FHDC1: variants seen among roughly 807,000 people sequenced by gnomAD.
The protein encoded by FHDC1 is FH2 domain-containing protein 1.
A neutral mutation model predicts 52.6 loss-of-function variants in FHDC1; 25 were observed. The observed-to-expected ratio is 0.48, with a 90% CI of 0.35 to 0.66. FHDC1 has a LOEUF of 0.66. Ranked by LOEUF, FHDC1 falls within the 30% of genes least tolerant of loss-of-function variation. The pLI is 0.01. For missense variants in FHDC1, 1,459 were observed against 1,452.8 expected, an observed-to-expected ratio of 1.00 and a Z score of -0.07; for synonymous variants, 616 against 581.5, an observed-to-expected ratio of 1.06 and a Z score of -0.85.
At chr4:152,954,904 C>T (rs1223141629) in intron 4 of FHDC1, among the ~76,000 whole-genome samples, 1 of 152,026 alleles carries the variant, frequency 6.6e-6, no homozygotes, top group Non-Finnish European at 1.5e-5. Context: ...GTTTCCTCAC[C>T]TGTAAAGGGA....
At chr4:152,955,009 C>A (rs1270813927) in intron 4 of FHDC1, among the ~76,000 whole-genome samples, 2 of 152,008 alleles carry the variant, frequency 1.3e-5, no homozygotes, top group South Asian at 2.1e-4. Context: ...TCAATAAATT[C>A]TCATCATCCA....
the FHDC1 span, among the ~76,000 whole-genome samples, chr4:152,912,772 T>C: frequency 3.9e-5 from 6 of 152,290 alleles, no homozygotes; most frequent in East Asian, 7.7e-4. Flanking sequence ...GAAGTTGTTA[T>C]TCTAGAAAAA....
At chr4:152,958,999 G>C (rs73863327) in intron 4 of FHDC1, among the ~76,000 whole-genome samples, 6,158 of 152,232 alleles carry the variant, frequency 0.04, 424 homozygotes, top group African/African-American at 0.14. Context: ...TGAGGTAGAT[G>C]TTTCACTTTG....
At chr4:152,935,388 G>A (rs941926032), upstream of FHDC1, among the ~76,000 whole-genome samples, 2 of 152,024 alleles carry the variant, frequency 1.3e-5, no homozygotes, top group African/African-American at 4.8e-5. Context: ...GTGGATTTTC[G>A]GTCAGCCGGT....
At chr4:152,965,855 A>G (rs939309777) in intron 9 of FHDC1, among the ~76,000 whole-genome samples, 3 of 152,220 alleles carry the variant, frequency 2.0e-5, no homozygotes, top group Non-Finnish European at 2.9e-5. Context: ...CAACTATGAC[A>G]TCTGTGAACC....
upstream of FHDC1, among the ~76,000 whole-genome samples, chr4:152,934,331 G>A (rs759938927): frequency 2.4e-4 from 36 of 152,154 alleles, no homozygotes; most frequent in African/African-American, 8.4e-4. Flanking sequence ...GGTGTGGGAA[G>A]AGTACTAGTT....
intron 1 of FHDC1, among the ~76,000 whole-genome samples, chr4:152,938,385 A>G (rs1579078036): frequency 6.6e-6 from 1 of 151,928 alleles, no homozygotes; most frequent in Admixed American, 6.6e-5. Context: ...GCACAGGCAG[A>G]CGGAACTCAC....
Position 152,960,778 on chromosome 4 carries a change from A to G in FHDC1, c.784A>G (p.Lys262Glu). 3 of 1,613,200 alleles carry G rather than the reference A, an allele frequency of 1.9e-6. No homozygotes were observed. The highest frequency in any genetic ancestry group is 2.5e-6 in the Non-Finnish European group (3 of 1,179,852). ...TCGGATTGAAGCCATGGTGCTAAAG[A>G]AGGAATTTCTACCTTCTTGCTCTTC... ...SLRIEAMVLK[K>E]EFLPSCSSLY... The change falls in exon 6 of 12, where the codon AAG (lysine) becomes GAG (glutamate). Residue 262 changes from lysine to glutamate, a missense_variant. Physicochemically the swap from Lys to Glu is moderately conservative, Grantham distance 56. This residue lies in a region of FHDC1 where 513 missense variants were observed against 581.5 expected (regional missense o/e 0.88). Transcript: ENST00000511601.
chr4:152,975,035 A>T lies in FHDC1; in HGVS notation c.1744A>T (p.Thr582Ser). Reference sequence around the variant, plus strand: ...GAGCAGCCCCCGGCAGGCCCGGCCCACGATAGCCTGCCTGGAGCCTGCAGA... The same window carrying T: ...GAGCAGCCCCCGGCAGGCCCGGCCCTCGATAGCCTGCCTGGAGCCTGCAGA... Reference protein sequence around the residue: ...PRSSPRQARPTIACLEPAEVR... With the variant: ...PRSSPRQARPSIACLEPAEVR... Residue 582 changes from threonine (T) to serine (S), a missense_variant, in exon 12 of 12, where the codon ACG (threonine) becomes TCG (serine). Coordinates refer to ENST00000511601, the MANE Select transcript of FHDC1 (RefSeq NM_001371116.1). 1 of 1,612,480 alleles carries T rather than the reference A, an allele frequency of 6.2e-7. No individual in the cohort carries two copies. Among genetic ancestry groups the T allele is most frequent in the Non-Finnish European group, 8.5e-7 (1 of 1,179,768 alleles).
Position 152,960,579 on chromosome 4 carries a change from A to G in FHDC1, c.678A>G (p.Lys226=). ...TTGTCTTTTAGGTAAAGAAGTTAAA[A>G]GCGTTTAGTGGCGACGTGTCGAAGC... is the stretch of plus-strand genomic sequence containing the variant. ...LPESEEVKKL[K]AFSGDVSKLS... The change falls in exon 5 of 12, where the codon AAA becomes AAG. Residue 226 remains lysine, a synonymous_variant. Coordinates refer to ENST00000511601, the MANE Select transcript of FHDC1 (RefSeq NM_001371116.1). 1 of 1,614,078 alleles carries G rather than the reference A, an allele frequency of 6.2e-7. No individual in the cohort carries two copies. Among genetic ancestry groups the G allele is most frequent in the South Asian group, 1.1e-5 (1 of 91,042 alleles).
chr4:152,937,473 T>A (rs1175879048), intron 1 of FHDC1, among the ~76,000 whole-genome samples: 2 of 151,230 alleles, frequency 1.3e-5, no homozygotes, highest in Non-Finnish European at 3.0e-5. Flanking sequence ...CGTGGGCCCC[T>A]CGGGGAGGGG....
chr4:152,923,217 GACAA>G, the FHDC1 span, among the ~76,000 whole-genome samples: 4 of 152,040 alleles, frequency 2.6e-5, no homozygotes, highest in Non-Finnish European at 2.9e-5. Flanking sequence ...ACCAATAACA[GACAA>G]ACAGAGAGCC....
In FHDC1 at chr4:152,943,143, C is replaced by A. The variant is rs773882150; in HGVS notation, c.86C>A (p.Thr29Lys). The A allele has an allele frequency of 6.2e-7, 1 of 1,614,014 alleles. No individual in the cohort carries two copies. The stretch of plus-strand genomic sequence containing the variant: ...GCACCTGGATTCATGATTGGGCAGA[C>A]ACCTCCTCCAGCACCTCCTCCACCT... ...ATAPGFMIGQ[T>K]PPPAPPPPPP... Residue 29 changes from threonine to lysine, a missense_variant, in exon 2 of 12, where the codon ACA becomes AAA. Coordinates refer to ENST00000511601, the MANE Select transcript of FHDC1 (RefSeq NM_001371116.1).
chr4:152,946,266 C>T (rs1739729830), intron 2 of FHDC1, among the ~76,000 whole-genome samples: 2 of 152,162 alleles, frequency 1.3e-5, no homozygotes, highest in South Asian at 4.1e-4. Flanking sequence ...AATTAAATCA[C>T]CATGACTGTG....
In FHDC1 at chr4:152,953,027, G is replaced by A. The variant is rs188482301; in HGVS notation, c.499-472G>A. Among the ~76,000 whole-genome samples the A allele has an allele frequency of 4.1e-4, 62 of 152,108 alleles. 1 individual carries two copies. In the South Asian group the frequency reaches 0.012, roughly 29 times the overall value. The stretch of plus-strand genomic sequence containing the variant: ...CATGCCTGTAGTCCCAGCTGCCCTC[G>A]GGAGGCTGAGGCAGGAGAATCACTT... On this transcript the variant is annotated intron_variant, in intron 2 of 11. Transcript: ENST00000511601.
Position 152,971,480 on chromosome 4 carries a change from C to T in FHDC1, c.1219-897C>T, listed in dbSNP as rs114996778. 2.6e-3 allele frequency among the ~76,000 whole-genome samples: 395 copies of T among 152,262 alleles called. 1 individual carries two copies. The highest frequency in any genetic ancestry group is 8.3e-3 in the African/African-American group (346 of 41,542). ...GCTCCCCATGTTGTCACTGAACTGC[C>T]ATCGGGGAAGTGTGTGTGACCCTTG... On this transcript the variant is annotated intron_variant, in intron 10 of 11. Transcript: ENST00000511601.
chr4:152,975,529 C>G lies in FHDC1; in HGVS notation c.2238C>G (p.Pro746=), dbSNP rs571352361. The G allele has an allele frequency of 1.1e-5, 17 of 1,613,584 alleles. No homozygotes were observed. The South Asian group carries it at 1.9e-4, about 18-fold the overall frequency. The change falls in exon 12 of 12, where the codon CCC becomes CCG. Residue 746 remains proline, a synonymous_variant. Transcript: ENST00000511601. ...CGCTGGAGGATGGCAAGGCTGCCCC[C>G]GATGAGCCTGGAAGTGCAGCTTTGG... ...SPALEDGKAA[P]DEPGSAALGS...
chr4:152,941,571 C>T (rs1739571937), intron 1 of FHDC1, among the ~76,000 whole-genome samples: 3 of 152,152 alleles, frequency 2.0e-5, no homozygotes, highest in Admixed American at 2.0e-4. Flanking sequence ...CCAACCTCAG[C>T]TCATGTTGCA....
intron 8 of FHDC1, among the ~76,000 whole-genome samples, chr4:152,964,010 A>G (rs1740377336): frequency 6.6e-6 from 1 of 152,054 alleles, no homozygotes; most frequent in Non-Finnish European, 1.5e-5. Flanking sequence ...TGTGAGCTTC[A>G]GAACAGGACA....
Sources: gnomAD v4.1 joint callset for allele counts (sites outside exome capture counted in the v4.1 genomes callset) on GRCh38, gnomAD v4.1.1 for gene constraint, gnomAD v4.1.1 regional missense constraint, MANE v1.5 for transcripts, NCBI Gene and HGNC (gene_info 2026-07-23, HGNC 2026-07-21) for gene names.